Variants in CHN1 observed in about 807,000 individuals in gnomAD.
The protein encoded by CHN1 is chimerin 1.
A neutral mutation model predicts 59.5 loss-of-function variants in CHN1; 37 were observed. That is an observed-to-expected ratio of 0.62 (90% CI 0.48 to 0.82). The LOEUF is 0.82. Among genes scored for constraint, CHN1 ranks in the 40% least tolerant of loss-of-function variants. The pLI is 0.00. For missense variants in CHN1, 469 were observed against 571.0 expected, an observed-to-expected ratio of 0.82 and a Z score of 1.82; for synonymous variants, 206 against 200.4, an observed-to-expected ratio of 1.03 and a Z score of -0.24.
At chr2:174,859,423 G>A (rs1391097856) in intron 6 of CHN1, among the ~76,000 whole-genome samples, 1 of 152,124 alleles carries the variant, frequency 6.6e-6, no homozygotes, top group Non-Finnish European at 1.5e-5. Flanking sequence ...CTATAACCAG[G>A]TGGCATATCA....
Position 175,005,010 on chromosome 2 carries a change from T to G in CHN1, c.-98A>C, listed in dbSNP as rs1574265803. On this transcript the variant is annotated 5_prime_UTR_variant, in exon 1 of 13. Transcript: ENST00000409900. ...CGCCGCACCCACACCTCGGAGAGAG[T>G]GGGGTGCCCGATGGGGCGTGCTGGG... The G allele has an allele frequency of 1.4e-6, 2 of 1,473,864 alleles. No individual in the cohort carries two copies. The highest frequency in any genetic ancestry group is 1.8e-6 in the Non-Finnish European group (2 of 1,112,124). 91.3% of individuals were successfully genotyped at this position (1,473,864 alleles called of 1,614,324 possible).
intron 1 of CHN1, among the ~76,000 whole-genome samples, chr2:174,991,536 C>T (rs543510494): frequency 1.3e-5 from 2 of 152,246 alleles, no homozygotes; most frequent in East Asian, 3.9e-4. Context: ...TGTAATTTCA[C>T]AGGAAACTTT....
intron 1 of CHN1, among the ~76,000 whole-genome samples, chr2:174,959,446 G>T (rs1690326627): frequency 6.6e-6 from 1 of 152,182 alleles, no homozygotes; most frequent in South Asian, 2.1e-4. Flanking sequence ...GGGGAAAGTT[G>T]AATGGCTTAG....
chr2:174,992,057 T>C (rs377147500), intron 1 of CHN1, among the ~76,000 whole-genome samples: 2 of 152,162 alleles, frequency 1.3e-5, no homozygotes, highest in East Asian at 3.8e-4. Flanking sequence ...ATGAAGGGAC[T>C]CCTTCTGATG....
At chr2:174,827,067 TTTGAATTTTTATATCTAAAACTCAC>T (rs1224609592) in intron 7 of CHN1, among the ~76,000 whole-genome samples, 1 of 152,194 alleles carries the variant, frequency 6.6e-6, no homozygotes, top group Non-Finnish European at 1.5e-5. Context: ...TGGATTCCCT[TTTGAATTTTTATATCTAAAACTCAC>T]TTGAATTTTT....
intron 6 of CHN1, among the ~76,000 whole-genome samples, chr2:174,863,019 T>C (rs956378035): frequency 6.6e-6 from 1 of 152,324 alleles, no homozygotes; most frequent in Non-Finnish European, 1.5e-5. Context: ...CAGTCAATGA[T>C]AAAATTAAAA....
chr2:175,000,524 A>C (rs1691857593), intron 1 of CHN1, among the ~76,000 whole-genome samples: 1 of 151,684 alleles, frequency 6.6e-6, no homozygotes, highest in Non-Finnish European at 1.5e-5. Context: ...GCTCACTGTA[A>C]CCTCTACCTC....
chr2:174,953,379 T>C (rs1422889324), intron 1 of CHN1, among the ~76,000 whole-genome samples: 3 of 152,168 alleles, frequency 2.0e-5, no homozygotes, highest in Non-Finnish European at 4.4e-5. Context: ...GAACATAACA[T>C]GGAAATTTTA....
intron 3 of CHN1, among the ~76,000 whole-genome samples, chr2:174,921,441 C>T (rs886626243): frequency 1.3e-5 from 2 of 151,930 alleles, no homozygotes; most frequent in South Asian, 2.1e-4. Flanking sequence ...TCCTTTCAAC[C>T]GATTATAACA....
chr2:175,002,012 T>C (rs1691905071), intron 1 of CHN1, among the ~76,000 whole-genome samples: 1 of 152,190 alleles, frequency 6.6e-6, no homozygotes, highest in South Asian at 2.1e-4. Context: ...CTATACGGAA[T>C]TAGGTAATTA....
At chr2:174,851,741 A>T (rs1469283036) in intron 6 of CHN1, among the ~76,000 whole-genome samples, 4 of 152,232 alleles carry the variant, frequency 2.6e-5, no homozygotes, top group Non-Finnish European at 5.9e-5. Context: ...GTAAGGAGGA[A>T]GTCCTAGCCA....
chr2:174,816,885 T>C (rs1312383522), intron 8 of CHN1, among the ~76,000 whole-genome samples: 1 of 152,090 alleles, frequency 6.6e-6, no homozygotes, highest in African/African-American at 2.4e-5. Context: ...TTAAGTGTAA[T>C]ACACACAGGT....
intron 3 of CHN1, among the ~76,000 whole-genome samples, chr2:174,928,635 T>G (rs1280947399): frequency 1.3e-5 from 2 of 152,208 alleles, no homozygotes; most frequent in African/African-American, 2.4e-5. Context: ...GAACCTTCGC[T>G]GGACAAGGCA....
At chr2:174,992,448 G>C (rs959238504) in intron 1 of CHN1, among the ~76,000 whole-genome samples, 2 of 152,204 alleles carry the variant, frequency 1.3e-5, no homozygotes, top group African/African-American at 4.8e-5. Context: ...CATAGGAAAG[G>C]GAGGAAAAGG....
intron 3 of CHN1, among the ~76,000 whole-genome samples, chr2:174,927,723 T>C (rs1162484992): frequency 6.6e-6 from 1 of 152,218 alleles, no homozygotes; most frequent in African/African-American, 2.4e-5. Context: ...TTAACGTTGT[T>C]CTTGCCTACA....
rs144140983 is a variant in CHN1 at position 174,958,109 on chromosome 2, G to A, written c.20-5907C>T. On this transcript the variant is annotated intron_variant, in intron 1 of 12. Coordinates refer to ENST00000409900, the MANE Select transcript of CHN1 (RefSeq NM_001822.7). ...GCCCAGGAGTTCAAGATCAGCCTGGGCACCAAGGAAGGAAGGAAAGGGAGG... is the reference window on the plus strand; with the variant it reads ...GCCCAGGAGTTCAAGATCAGCCTGGACACCAAGGAAGGAAGGAAAGGGAGG... Among the ~76,000 whole-genome samples the A allele has an allele frequency of 4.0e-3, 560 of 139,368 alleles. 4 individuals carry two copies. The highest frequency in any genetic ancestry group is 0.014 in the African/African-American group (535 of 38,556). The allele number at this position is 139,368 out of a possible 152,430, so 91.4% of individuals were successfully genotyped here.
intron 6 of CHN1, among the ~76,000 whole-genome samples, chr2:174,850,893 G>T (rs1253019242): frequency 6.6e-6 from 1 of 152,162 alleles, no homozygotes; most frequent in Non-Finnish European, 1.5e-5. Context: ...TGCTTCCCAA[G>T]GCTGTCTTAT....
chr2:174,825,281 A>C (rs1184240085), intron 7 of CHN1, among the ~76,000 whole-genome samples: 1 of 152,154 alleles, frequency 6.6e-6, no homozygotes, highest in East Asian at 1.9e-4. Flanking sequence ...ATACTTATTG[A>C]TGGGTCACAT....
intron 7 of CHN1, among the ~76,000 whole-genome samples, chr2:174,830,105 C>A (rs1685822259): frequency 6.6e-6 from 1 of 151,976 alleles, no homozygotes; most frequent in South Asian, 2.1e-4. Context: ...TGGTGGCGGG[C>A]ACCTGTAGTC....
Sources: allele counts gnomAD v4.1 joint callset (sites outside exome capture counted in the v4.1 genomes callset), GRCh38; gene constraint gnomAD v4.1.1; transcripts MANE v1.5; gene names NCBI Gene and HGNC (gene_info 2026-07-23, HGNC 2026-07-21).